FIP1L1: variants seen among roughly 807,000 people sequenced by gnomAD.
FIP1L1 encodes pre-mRNA 3'-end-processing factor FIP1.
A neutral mutation model predicts 84.6 loss-of-function variants in FIP1L1; 21 were observed. The ratio of observed to expected loss-of-function variants is 0.25; its 90% CI spans 0.18 to 0.36. FIP1L1 has a LOEUF of 0.36. FIP1L1 is among the 10% of genes least tolerant of loss of function. The pLI is 1.00. For synonymous variants in FIP1L1, 263 were observed against 242.3 expected (o/e 1.09, Z -0.80); for missense variants, 526 against 751.1 (o/e 0.70, Z 3.50).
intron 5 of FIP1L1, among the ~76,000 whole-genome samples, chr4:53,384,748 T>C (rs1740007117): frequency 6.6e-6 from 1 of 152,230 alleles, no homozygotes; most frequent in Non-Finnish European, 1.5e-5. Flanking sequence ...AAGTACGAAT[T>C]GTGATTTAGT....
chr4:53,418,144 T>C (rs1308085055), intron 11 of FIP1L1, among the ~76,000 whole-genome samples: 1 of 151,934 alleles, frequency 6.6e-6, no homozygotes, highest in African/African-American at 2.4e-5. Flanking sequence ...CAAAAATTAA[T>C]TGGGCATGGT....
chr4:53,417,803 TCTC>T (rs1760473803), intron 11 of FIP1L1, among the ~76,000 whole-genome samples: 2 of 106,860 alleles, frequency 1.9e-5, no homozygotes, highest in African/African-American at 6.7e-5. Context: ...TCTCTCTCTC[TCTC>T]TCTCTCTCTC....
At chr4:53,441,280 G>A (rs1430505456) in intron 13 of FIP1L1, among the ~76,000 whole-genome samples, 5 of 151,924 alleles carry the variant, frequency 3.3e-5, no homozygotes, top group African/African-American at 9.7e-5. Context: ...AAGAGAATGA[G>A]AGGTGATAAT....
At chr4:53,410,342 G>A (rs955319807) in intron 10 of FIP1L1, among the ~76,000 whole-genome samples, 2 of 152,260 alleles carry the variant, frequency 1.3e-5, no homozygotes, top group Non-Finnish European at 2.9e-5. Flanking sequence ...TGAGTTCTTC[G>A]ACAGCTTCTC....
intron 10 of FIP1L1, among the ~76,000 whole-genome samples, chr4:53,400,721 T>G (rs2149496771): frequency 6.6e-6 from 1 of 152,332 alleles, no homozygotes; most frequent in Non-Finnish European, 1.5e-5. Context: ...CTTGAAGCCT[T>G]CAGCCAAAAT....
intron 10 of FIP1L1, among the ~76,000 whole-genome samples, chr4:53,405,173 AT>A (rs1752577912): frequency 6.6e-6 from 1 of 152,112 alleles, no homozygotes; most frequent in Non-Finnish European, 1.5e-5. Context: ...TCCATCTTGA[AT>A]TAATTTTTGT....
chr4:53,400,706 C>T lies in FIP1L1; in HGVS notation c.815+867C>T, dbSNP rs115209925. 8.8e-3 allele frequency among the ~76,000 whole-genome samples: 1,339 copies of T among 152,158 alleles called. 22 individuals are homozygous for T. Among genetic ancestry groups the T allele is most frequent in the African/African-American group, 0.03 (1,262 of 41,516 alleles). On this transcript the variant is annotated intron_variant, in intron 10 of 17. Transcript: ENST00000337488. ...GGCATCTAGTCTAGCTCTAAGATAACGATTCTTGAAGCCTTCAGCCAAAAT... is the reference window on the plus strand; with the variant it reads ...GGCATCTAGTCTAGCTCTAAGATAATGATTCTTGAAGCCTTCAGCCAAAAT...
chr4:53,380,688 G>C (rs1028507410), intron 3 of FIP1L1, among the ~76,000 whole-genome samples: 1 of 152,170 alleles, frequency 6.6e-6, no homozygotes, highest in East Asian at 1.9e-4. Flanking sequence ...TTCACTCATT[G>C]GTATATTATC....
intron 10 of FIP1L1, among the ~76,000 whole-genome samples, chr4:53,405,109 CT>C (rs1332679162): frequency 6.6e-6 from 1 of 152,138 alleles, no homozygotes; most frequent in Non-Finnish European, 1.5e-5. Flanking sequence ...ATGGTAATGC[CT>C]AGGTTTTCTT....
chr4:53,428,267 C>G, intron 13 of FIP1L1, 84 bp downstream of exon 13: 16 of 1,308,424 alleles, frequency 1.2e-5, no homozygotes, highest in Non-Finnish European at 1.7e-5. Flanking sequence ...AAAATAATAT[C>G]TTGATCACAT....
intron 5 of FIP1L1, among the ~76,000 whole-genome samples, chr4:53,389,114 C>T (rs1052317482): frequency 2.0e-5 from 3 of 152,146 alleles, no homozygotes; most frequent in African/African-American, 4.8e-5. Flanking sequence ...TCATTAACCA[C>T]CCACCACCGG....
At chr4:53,405,261 A>G (rs969716857) in intron 10 of FIP1L1, among the ~76,000 whole-genome samples, 17 of 151,980 alleles carry the variant, frequency 1.1e-4, no homozygotes, top group African/African-American at 4.1e-4. Context: ...TTTATTAAAT[A>G]GGGAATCCTT....
intron 13 of FIP1L1, among the ~76,000 whole-genome samples, chr4:53,435,717 A>G (rs1391120435): frequency 6.6e-6 from 1 of 152,086 alleles, no homozygotes; most frequent in African/African-American, 2.4e-5. Flanking sequence ...AAATAACTTA[A>G]AACTTTTTTT....
chr4:53,379,173 G>A (rs778459581), intron 2 of FIP1L1, 52 bp from the exon 3 acceptor site: 12 of 1,605,704 alleles, frequency 7.5e-6, no homozygotes, highest in Admixed American at 1.7e-5. Flanking sequence ...CTTTAAGAGT[G>A]GTTTCTTTAT....
rs933323426 is a variant in FIP1L1, at chr4:53,459,591, A to G, written c.*142A>G. 7 of 1,200,326 alleles carry G rather than the reference A, an allele frequency of 5.8e-6. No homozygotes were observed. The African/African-American group carries it at 1.1e-4, about 18-fold the overall frequency. The allele number at this position is 1,200,326 out of a possible 1,614,324, so 74.4% of individuals were successfully genotyped here. ...AAAAGTTAACTTTTTTTCCAAAATA[A>G]AAGAGTGAATTTTTCATGTTAAGTT... On this transcript the variant is annotated 3_prime_UTR_variant, in exon 18 of 18. Coordinates refer to ENST00000337488, the MANE Select transcript of FIP1L1 (RefSeq NM_030917.4).
At chr4:53,412,641 T>C (rs1344289315) in intron 10 of FIP1L1, among the ~76,000 whole-genome samples, 1 of 152,122 alleles carries the variant, frequency 6.6e-6, no homozygotes, top group Admixed American at 6.5e-5. Flanking sequence ...CCCTTCTCAG[T>C]GTATTGGCTT....
In FIP1L1 at chr4:53,415,530, T is replaced by TTG. The variant is rs71662223; in HGVS notation, c.923+809_923+810insGT. Reference sequence around the variant, plus strand: ...ATACAAGGGGTAATTTTGTTTTTTGTTTTTTTTTTTGCTTTTGTTAGAGAA... The same window carrying TTG: ...ATACAAGGGGTAATTTTGTTTTTTGTTGTTTTTTTTTTGCTTTTGTTAGAGAA... On this transcript the variant is annotated intron_variant, in intron 11 of 17. Transcript: ENST00000337488. 4.0e-4 allele frequency among the ~76,000 whole-genome samples: 10 copies of TTG among 25,250 alleles called. No homozygotes were observed. In the Admixed American group the frequency reaches 4.4e-3, roughly 11 times the overall value. The allele number at this position is 25,250 out of a possible 152,430, so 16.6% of individuals were successfully genotyped here.
At chr4:53,385,277 T>C (rs1399917298) in intron 5 of FIP1L1, among the ~76,000 whole-genome samples, 1 of 152,166 alleles carries the variant, frequency 6.6e-6, no homozygotes, top group Non-Finnish European at 1.5e-5. Flanking sequence ...TTGCAAGTTA[T>C]AGAACAACTT....
intron 9 of FIP1L1, among the ~76,000 whole-genome samples, chr4:53,399,417 C>T (rs1306416444): frequency 2.0e-5 from 3 of 152,124 alleles, no homozygotes; most frequent in African/African-American, 7.2e-5. Context: ...GAAGTCATAA[C>T]CAAGTATCTG....
Sources: gnomAD v4.1 joint callset for allele counts (sites outside exome capture counted in the v4.1 genomes callset) on GRCh38, gnomAD v4.1.1 for gene constraint, MANE v1.5 for transcripts, NCBI Gene and HGNC (gene_info 2026-07-23, HGNC 2026-07-21) for gene names.